Variants in TBC1D22A observed in about 807,000 individuals in gnomAD.
TBC1D22A encodes the protein putative GTPase activator.
A neutral mutation model predicts 60.2 loss-of-function variants in TBC1D22A; 38 were observed. The ratio of observed to expected loss-of-function variants is 0.63; its 90% CI spans 0.49 to 0.83. The LOEUF is 0.83. TBC1D22A is among the 40% of genes least tolerant of loss of function. TBC1D22A has a pLI of 0.00. For missense variants in TBC1D22A, 628 were observed against 701.0 expected (o/e 0.90, Z 1.18); for synonymous variants, 302 against 281.7 (o/e 1.07, Z -0.72).
intron 4 of TBC1D22A, among the ~76,000 whole-genome samples, chr22:46,834,837 A>C (rs989317426): frequency 1.3e-5 from 2 of 152,182 alleles, no homozygotes; most frequent in Non-Finnish European, 2.9e-5. Flanking sequence ...AGCTGGCACA[A>C]CTGCACCCCT....
intron 12 of TBC1D22A, among the ~76,000 whole-genome samples, chr22:47,156,875 T>A (rs2067741287): frequency 6.6e-6 from 1 of 152,210 alleles, no homozygotes; most frequent in Non-Finnish European, 1.5e-5. Flanking sequence ...CTGCACCCAT[T>A]TGCCGTCTCC....
intron 4 of TBC1D22A, among the ~76,000 whole-genome samples, chr22:46,856,658 C>T (rs1337650474): frequency 1.3e-5 from 2 of 152,114 alleles, no homozygotes; most frequent in South Asian, 2.1e-4. Context: ...TGGTACCAGA[C>T]GTGCAGATTA....
chr22:47,089,658 G>C (rs938155684), intron 11 of TBC1D22A, among the ~76,000 whole-genome samples: 7 of 152,126 alleles, frequency 4.6e-5, no homozygotes, highest in Non-Finnish European at 1.0e-4. Flanking sequence ...CAGTTTGACT[G>C]TCTTAAAGAT....
intron 12 of TBC1D22A, among the ~76,000 whole-genome samples, chr22:47,141,240 G>T (rs1404251238): frequency 6.6e-6 from 1 of 152,072 alleles, no homozygotes; most frequent in African/African-American, 2.4e-5. Flanking sequence ...ACCTCCTGCC[G>T]GGCCCCTCCC....
chr22:46,804,069 C>A (rs2085021829), intron 4 of TBC1D22A, among the ~76,000 whole-genome samples: 1 of 152,248 alleles, frequency 6.6e-6, no homozygotes, highest in African/African-American at 2.4e-5. Flanking sequence ...CATCCAATGG[C>A]AGCTCAGCAG....
At chr22:47,132,065 C>T (rs949294294) in intron 12 of TBC1D22A, among the ~76,000 whole-genome samples, 4 of 152,192 alleles carry the variant, frequency 2.6e-5, no homozygotes, top group African/African-American at 7.2e-5. Context: ...TTAGCACCTC[C>T]CTCGGTTTCT....
At chr22:46,782,275 C>T (rs921175545) in intron 1 of TBC1D22A, among the ~76,000 whole-genome samples, 2 of 152,190 alleles carry the variant, frequency 1.3e-5, no homozygotes, top group African/African-American at 2.4e-5. Flanking sequence ...GGATGGTCTC[C>T]ATCTCTTGAC....
In TBC1D22A at chr22:46,951,448, C is replaced by T. The variant is rs141883691; in HGVS notation, c.1016-22842C>T. ...TGCATTTTCAAAGAATAATCAAGAG[C>T]ATGCAGGATTGCCCGGGGCAGTGAG... On this transcript the variant is annotated intron_variant, in intron 8 of 12. Transcript: ENST00000337137. 5.0e-3 allele frequency among the ~76,000 whole-genome samples: 758 copies of T among 152,298 alleles called. 2 individuals carry two copies. Among genetic ancestry groups the T allele is most frequent in the Non-Finnish European group, 7.9e-3 (537 of 68,024 alleles).
intron 12 of TBC1D22A, among the ~76,000 whole-genome samples, chr22:47,133,080 A>T (rs2066737078): frequency 6.6e-6 from 1 of 152,248 alleles, no homozygotes; most frequent in Non-Finnish European, 1.5e-5. Context: ...TGTTTAGGCG[A>T]CGCCTGTAAA....
At chr22:46,877,810 A>G (rs988789903) in intron 4 of TBC1D22A, among the ~76,000 whole-genome samples, 3 of 152,216 alleles carry the variant, frequency 2.0e-5, no homozygotes, top group African/African-American at 7.2e-5. Flanking sequence ...ATGGGATTGG[A>G]CAAGTGTTGC....
chr22:46,860,543 A>T (rs796174686), intron 4 of TBC1D22A, among the ~76,000 whole-genome samples: 832 of 87,094 alleles, frequency 9.6e-3, no homozygotes, highest in Middle Eastern at 0.039. Context: ...CCTTCCTGGG[A>T]CCAGAATCCT....
chr22:46,796,061 C>T (rs558412632), intron 3 of TBC1D22A, among the ~76,000 whole-genome samples: 17 of 152,268 alleles, frequency 1.1e-4, no homozygotes, highest in African/African-American at 4.1e-4. Flanking sequence ...GCTGGAGCCC[C>T]AGCCCACTGC....
At chr22:46,878,347 A>AGGG (rs1491482215) in intron 4 of TBC1D22A, among the ~76,000 whole-genome samples, 5 of 11,526 alleles carry the variant, frequency 4.3e-4, no homozygotes, top group African/African-American at 5.6e-4. Context: ...GGTGGGAGGG[A>AGGG]AGGAGGCCAG....
chr22:46,793,423 C>T, intron 2 of TBC1D22A, 78 bp from the exon 3 acceptor site: 1 of 1,415,428 alleles, frequency 7.1e-7, no homozygotes, highest in Non-Finnish European at 9.8e-7. Context: ...CCTGTCTTTT[C>T]ACCTGGGAAT....
At chr22:46,891,704 T>C (rs963213023) in intron 6 of TBC1D22A, among the ~76,000 whole-genome samples, 1 of 152,220 alleles carries the variant, frequency 6.6e-6, no homozygotes, top group Non-Finnish European at 1.5e-5. Context: ...TGGGAGTTTG[T>C]ATCACAGTGA....
chr22:47,073,708 G>A (rs1021996929), intron 11 of TBC1D22A, among the ~76,000 whole-genome samples: 7 of 152,162 alleles, frequency 4.6e-5, no homozygotes, highest in Non-Finnish European at 7.3e-5. Context: ...TTTAAAAATC[G>A]CACCAGACAC....
At chr22:47,155,458 A>G (rs992935803) in intron 12 of TBC1D22A, among the ~76,000 whole-genome samples, 2 of 152,206 alleles carry the variant, frequency 1.3e-5, no homozygotes, top group African/African-American at 4.8e-5. Flanking sequence ...GAAATCGGCT[A>G]TCAGAGCCTG....
chr22:46,997,535 A>T, intron 9 of TBC1D22A, 99 bp from the exon 10 acceptor site: 1 of 895,916 alleles, frequency 1.1e-6, no homozygotes, highest in Non-Finnish European at 1.8e-6. Context: ...AATTCGTCCT[A>T]TTATAAAGCT....
chr22:46,765,923 A>T (rs2083265356), intron 1 of TBC1D22A, among the ~76,000 whole-genome samples: 1 of 146,366 alleles, frequency 6.8e-6, no homozygotes, highest in African/African-American at 2.6e-5. Flanking sequence ...AGTAGATGGG[A>T]TTATAGGCAC....
Sources: gnomAD v4.1 joint callset for allele counts (sites outside exome capture counted in the v4.1 genomes callset) on GRCh38, gnomAD v4.1.1 for gene constraint, MANE v1.5 for transcripts, NCBI Gene and HGNC (gene_info 2026-07-23, HGNC 2026-07-21) for gene names.